ADAM10: variants seen among roughly 807,000 people sequenced by gnomAD.
ADAM10 encodes disintegrin and metalloproteinase domain-containing protein 10.
ADAM10 carries 17 observed loss-of-function variants against 90.1 expected under a neutral mutation model. The observed-to-expected ratio is 0.19, with a 90% CI of 0.13 to 0.28. The LOEUF is 0.28. Ranked by LOEUF, ADAM10 falls within the 10% of genes least tolerant of loss-of-function variation. The pLI, the probability that ADAM10 is intolerant of heterozygous loss-of-function variation, is 1.00. For missense variants in ADAM10, 610 were observed against 914.3 expected (o/e 0.67, Z 4.29); for synonymous variants, 310 against 298.6 (o/e 1.04, Z -0.40).
At chr15:58,605,150 A>G (rs1210995621) in intron 14 of ADAM10, among the ~76,000 whole-genome samples, 1 of 152,234 alleles carries the variant, frequency 6.6e-6, no homozygotes, top group East Asian at 1.9e-4. Flanking sequence ...AAACAAAGGT[A>G]AAAAGAACCT....
At chr15:58,679,691 G>A (rs1340067824) in intron 3 of ADAM10, among the ~76,000 whole-genome samples, 2 of 152,118 alleles carry the variant, frequency 1.3e-5, no homozygotes, top group Non-Finnish European at 2.9e-5. Flanking sequence ...GATCACTCGA[G>A]GCCAGGAGTT....
intron 4 of ADAM10, among the ~76,000 whole-genome samples, chr15:58,674,917 C>CA (rs1897277227): frequency 6.6e-6 from 1 of 152,180 alleles, no homozygotes; most frequent in Admixed American, 6.5e-5. Context: ...AGGCCGGGCA[C>CA]AGTGGCTCAC....
At chr15:58,714,148 G>T (rs922137078) in intron 2 of ADAM10, among the ~76,000 whole-genome samples, 1 of 152,010 alleles carries the variant, frequency 6.6e-6, no homozygotes, top group Non-Finnish European at 1.5e-5. Flanking sequence ...AAATATAAAC[G>T]TTTCTTCATT....
In ADAM10 at chr15:58,678,144, C is replaced by T. The variant is rs143606279; in HGVS notation, c.484+980G>A. Among the ~76,000 whole-genome samples, 284 of 152,186 alleles carry T rather than the reference C, an allele frequency of 1.9e-3. 2 individuals are homozygous for T. Among genetic ancestry groups the T allele is most frequent in the African/African-American group, 6.6e-3 (275 of 41,532 alleles). ...AATACAGGGAAGTAGCATTAATGAG[C>T]TTATGATTTAACAAGTAGCTAAAAA... On this transcript the variant is annotated intron_variant, in intron 4 of 15. Coordinates refer to ENST00000260408, the MANE Select transcript of ADAM10 (RefSeq NM_001110.4).
At chr15:58,623,115 T>G (rs950109686) in intron 10 of ADAM10, among the ~76,000 whole-genome samples, 65 of 152,340 alleles carry the variant, frequency 4.3e-4, no homozygotes, top group African/African-American at 1.5e-3. Context: ...GAAACCCACA[T>G]GAGGCCTATC....
intron 5 of ADAM10, chr15:58,655,559 C>T (rs1293913774): frequency 1.3e-5 from 2 of 150,620 alleles, no homozygotes; most frequent in Admixed American, 6.6e-5. Flanking sequence ...CTGAGGATTA[C>T]AATTCAACAG....
At chr15:58,659,958 G>C (rs1896928686) in intron 5 of ADAM10, among the ~76,000 whole-genome samples, 1 of 152,160 alleles carries the variant, frequency 6.6e-6, no homozygotes, top group Non-Finnish European at 1.5e-5. Flanking sequence ...TCGATCTCCT[G>C]ATCTTGTGAT....
intron 9 of ADAM10, chr15:58,629,584 T>G (rs1461597940): frequency 6.6e-6 from 1 of 152,040 alleles, no homozygotes; most frequent in African/African-American, 2.4e-5. Flanking sequence ...CTATAATCTT[T>G]GTGACAAGAA....
At chr15:58,618,314 C>T (rs7180550) in intron 11 of ADAM10, among the ~76,000 whole-genome samples, 43,654 of 151,880 alleles carry the variant, frequency 0.29, 8,872 homozygotes, top group African/African-American at 0.57. Context: ...AAACTGGATA[C>T]CTATATGCAG....
chr15:58,655,727 A>ATATAGTGTG (rs1566982461), intron 5 of ADAM10, among the ~76,000 whole-genome samples: 5 of 99,838 alleles, frequency 5.0e-5, no homozygotes, highest in Non-Finnish European at 8.1e-5. Context: ...ATATATATAT[A>ATATAGTGTG]TATATATATA....
chr15:58,656,795 C>A (rs566948327), intron 5 of ADAM10, among the ~76,000 whole-genome samples: 53 of 152,194 alleles, frequency 3.5e-4, no homozygotes, highest in South Asian at 1.7e-3. Flanking sequence ...GAGTTTTGTA[C>A]CATCATATAA....
chr15:58,729,003 A>T (rs1221507423), intron 1 of ADAM10, among the ~76,000 whole-genome samples: 3 of 152,204 alleles, frequency 2.0e-5, no homozygotes, highest in Non-Finnish European at 4.4e-5. Flanking sequence ...ACAGCAACTA[A>T]GCCATTTTCA....
At chr15:58,609,588 A>T (rs1255408077) in intron 14 of ADAM10, 1 of 153,490 alleles carries the variant, frequency 6.5e-6, no homozygotes, top group Non-Finnish European at 1.5e-5. Context: ...GTCAATTTCC[A>T]AAGCAAACTA....
At chr15:58,688,816 G>A (rs1897688538) in intron 2 of ADAM10, among the ~76,000 whole-genome samples, 2 of 125,056 alleles carry the variant, frequency 1.6e-5, no homozygotes, top group African/African-American at 6.8e-5. Context: ...TGACTTAAGA[G>A]CAGATGAGAT....
chr15:58,647,260 T>TTTTTTTTTTTTTTTG (rs1896574964), intron 5 of ADAM10, among the ~76,000 whole-genome samples: 1 of 104,248 alleles, frequency 9.6e-6, no homozygotes, highest in Non-Finnish European at 2.1e-5. Context: ...TTTTTTTTTT[T>TTTTTTTTTTTTTTTG]TTTTTTTTTT....
intron 5 of ADAM10, among the ~76,000 whole-genome samples, chr15:58,660,010 G>T (rs1896930200): frequency 6.6e-6 from 1 of 152,138 alleles, no homozygotes; most frequent in East Asian, 1.9e-4. Flanking sequence ...TTACAGGTGT[G>T]AGCCAATACG....
At position 58,589,372 on chromosome 15, in the gene ADAM10, A is replaced by T. The variant is rs968631083; in HGVS notation, c.*8175T>A. 6.6e-6 allele frequency: 1 copy of T among 152,230 alleles called. No homozygotes were observed. Among genetic ancestry groups the T allele is most frequent in the African/African-American group, 2.4e-5 (1 of 41,468 alleles). 9.4% of individuals were successfully genotyped at this position (152,230 alleles called of 1,614,324 possible). A position where few individuals can be genotyped will look rare whatever the true frequency, so the allele number is the denominator to read the frequency against. ...GACTAGTTAGAGCAAACTTTTACCG[A>T]AACTCCAAAACTCAGGTCCAGCTTT... On this transcript the variant is annotated 3_prime_UTR_variant, in exon 16 of 16. Transcript: ENST00000260408.
chr15:58,674,351 A>T lies in ADAM10; in HGVS notation c.484+4773T>A, dbSNP rs143999683. ...AAACATATAGTAGAGAGATTAACCA[A>T]TACACTTGTATGCACTGTGGGAGTT... On this transcript the variant is annotated intron_variant, in intron 4 of 15. Transcript: ENST00000260408. Among the ~76,000 whole-genome samples the T allele has an allele frequency of 9.8e-3, 1,490 of 152,300 alleles. 24 individuals carry two copies. Among genetic ancestry groups the T allele is most frequent in the African/African-American group, 0.034 (1,407 of 41,554 alleles).
intron 2 of ADAM10, among the ~76,000 whole-genome samples, chr15:58,701,064 C>T (rs115399185): frequency 0.01 from 1,340 of 130,100 alleles, 20 homozygotes; most frequent in African/African-American, 0.031. Context: ...AACAGACACT[C>T]AAAAAACAAT....
Sources: allele counts gnomAD v4.1 joint callset (sites outside exome capture counted in the v4.1 genomes callset), GRCh38; gene constraint gnomAD v4.1.1; transcripts MANE v1.5; gene names NCBI Gene and HGNC (gene_info 2026-07-23, HGNC 2026-07-21).